Variants in PFKFB1 observed in about 807,000 individuals in gnomAD.
PFKFB1 encodes the protein 6-phosphofructo-2-kinase/fructose-2,6-biphosphatase 1.
A neutral mutation model predicts 46.4 loss-of-function variants in PFKFB1; 34 were observed. That is an observed-to-expected ratio of 0.73 (90% CI 0.56 to 0.98). The LOEUF (loss-of-function observed/expected upper bound fraction) is 0.98. PFKFB1 is among the 50% of genes least tolerant of loss of function. PFKFB1 has a pLI of 0.00. For missense variants in PFKFB1, 393 were observed against 376.3 expected, an observed-to-expected ratio of 1.04 and a Z score of -0.37; for synonymous variants, 119 against 133.8, an observed-to-expected ratio of 0.89 and a Z score of 0.76.
chrX:54,956,337 A>G (rs928553970), intron 6 of PFKFB1, 63 bp from the exon 7 acceptor site: 77 of 1,174,187 alleles, frequency 6.6e-5, no homozygotes, highest in Non-Finnish European at 8.9e-5. Context: ...TTTCTTTGGA[A>G]GTTCCCTTAG....
At chrX:54,937,780 A>T in intron 10 of PFKFB1, 56 bp from the exon 11 acceptor site, 1 of 1,095,813 alleles carries the variant, frequency 9.1e-7, no homozygotes, top group Admixed American at 2.4e-5. Flanking sequence ...ATTTGCCCAG[A>T]GGGGAAGAAC....
upstream of PFKFB1, among the ~76,000 whole-genome samples, chrX:54,995,463 ATTTT>A (rs1935343643): frequency 8.9e-6 from 1 of 112,497 alleles, no homozygotes; most frequent in Non-Finnish European, 1.9e-5. Context: ...ATCATACCAA[ATTTT>A]TAATACATTC....
intron 1 of PFKFB1, among the ~76,000 whole-genome samples, chrX:54,984,338 T>C (rs1327762178): frequency 1.8e-5 from 2 of 111,911 alleles, no homozygotes; most frequent in Non-Finnish European, 3.8e-5. Flanking sequence ...ACAAGTGAGT[T>C]CATCAAGGCT....
intron 11 of PFKFB1, among the ~76,000 whole-genome samples, chrX:54,936,852 T>C (rs1339393026): frequency 3.6e-5 from 4 of 111,725 alleles, no homozygotes; most frequent in African/African-American, 1.3e-4. Flanking sequence ...TAAAACAGTG[T>C]AGACATTGAA....
chrX:54,975,221 C>T (rs889447911), intron 1 of PFKFB1, among the ~76,000 whole-genome samples: 1 of 110,891 alleles, frequency 9.0e-6, no homozygotes, highest in African/African-American at 3.3e-5. Context: ...CATCATCCAA[C>T]GAGTGGATAA....
chrX:54,933,349 T>C lies in PFKFB1; in HGVS notation c.*54A>G. 2.0e-6 allele frequency: 2 copies of C among 1,009,488 alleles called. No individual in the cohort carries two copies. Among genetic ancestry groups the C allele is most frequent in the South Asian group, 1.9e-5 (1 of 52,374 alleles). The allele number at this position is 1,009,488 out of a possible 1,213,427, so 83.2% of individuals were successfully genotyped here. On this transcript the variant is annotated 3_prime_UTR_variant, in exon 14 of 14. Coordinates refer to ENST00000375006, the MANE Select transcript of PFKFB1 (RefSeq NM_002625.4). The stretch of plus-strand genomic sequence containing the variant: ...GTAGGAGAAGAGCAAAGATAGCATT[T>C]CCTAAAGGTGGAAGGCGATGAGGAC...
chrX:54,948,463 A>C (rs763922495), intron 9 of PFKFB1, among the ~76,000 whole-genome samples: 5 of 111,791 alleles, frequency 4.5e-5, no homozygotes, highest in Non-Finnish European at 7.5e-5. Context: ...ATGACATCTC[A>C]TTGTTGTTTG....
At chrX:54,958,247 CT>C in intron 6 of PFKFB1, 58 bp downstream of exon 6, 1 of 717,305 alleles carries the variant, frequency 1.4e-6, no homozygotes, top group Non-Finnish European at 2.2e-6. Context: ...TCACCTCTGC[CT>C]TAGGCATGAT....
upstream of PFKFB1, chrX:54,998,399 C>T (rs1278012700): frequency 8.7e-7 from 1 of 1,148,835 alleles, no homozygotes; most frequent in Non-Finnish European, 1.2e-6. Flanking sequence ...CCTTCTTTCT[C>T]ACCTACCTTT....
chrX:54,965,726 T>C (rs778344747), intron 1 of PFKFB1, among the ~76,000 whole-genome samples: 1 of 111,596 alleles, frequency 9.0e-6, no homozygotes, highest in Admixed American at 9.6e-5. Context: ...CAATGTATTA[T>C]ATGTTTATTG....
intron 1 of PFKFB1, among the ~76,000 whole-genome samples, chrX:54,973,189 C>A (rs758725448): frequency 1.8e-5 from 2 of 110,813 alleles, no homozygotes; most frequent in South Asian, 7.7e-4. Context: ...TGGTGATATC[C>A]CCTTTATCAT....
At chrX:54,991,855 T>C (rs1935251114) in intron 1 of PFKFB1, among the ~76,000 whole-genome samples, 1 of 111,539 alleles carries the variant, frequency 9.0e-6, no homozygotes, top group Non-Finnish European at 1.9e-5. Context: ...ATAAACATAA[T>C]GTTGGATGAG....
intron 1 of PFKFB1, among the ~76,000 whole-genome samples, chrX:54,976,271 TAAAAC>T (rs1439677946): frequency 9.0e-6 from 1 of 111,584 alleles, no homozygotes; most frequent in African/African-American, 3.2e-5. Flanking sequence ...AAATAACACT[TAAAAC>T]TGAACAATAA....
At chrX:54,945,341 C>G (rs1244415814) in intron 10 of PFKFB1, 98 bp downstream of exon 10, 5 of 470,408 alleles carry the variant, frequency 1.1e-5, no homozygotes, top group Non-Finnish European at 1.8e-5. Flanking sequence ...TATGCTTACT[C>G]TGTTTCTAAA....
At chrX:54,946,438 TG>T (rs1933813802) in intron 9 of PFKFB1, among the ~76,000 whole-genome samples, 1 of 111,811 alleles carries the variant, frequency 8.9e-6, no homozygotes, top group Non-Finnish European at 1.9e-5. Flanking sequence ...GGTTTCCTTC[TG>T]GGTATGTGGA....
chrX:54,945,325 G>T (rs748320599), intron 10 of PFKFB1, 114 bp downstream of exon 10: 2 of 426,026 alleles, frequency 4.7e-6, no homozygotes, highest in East Asian at 8.4e-5. Context: ...GGCAGCTGCT[G>T]CAAGATATGC....
intron 10 of PFKFB1, among the ~76,000 whole-genome samples, chrX:54,939,469 A>G (rs1933535093): frequency 8.9e-6 from 1 of 111,946 alleles, no homozygotes; most frequent in African/African-American, 3.2e-5. Flanking sequence ...TTTTTTGAAA[A>G]GATCAACAAA....
chrX:54,990,610 A>G (rs1347782158), intron 1 of PFKFB1, among the ~76,000 whole-genome samples: 1 of 111,883 alleles, frequency 8.9e-6, no homozygotes, highest in East Asian at 2.8e-4. Context: ...CCTCTGTCAG[A>G]GGACAGAATG....
At chrX:54,984,875 C>A (rs1345332347) in intron 1 of PFKFB1, among the ~76,000 whole-genome samples, 4 of 110,736 alleles carry the variant, frequency 3.6e-5, no homozygotes, top group African/African-American at 1.3e-4. Flanking sequence ...ATACCAGGTG[C>A]AATAGGCTAA....
Sources: gnomAD v4.1 joint callset for allele counts (sites outside exome capture counted in the v4.1 genomes callset) on GRCh38, gnomAD v4.1.1 for gene constraint, MANE v1.5 for transcripts, NCBI Gene and HGNC (gene_info 2026-07-23, HGNC 2026-07-21) for gene names.